The following ZNF705G variants were observed in gnomAD, a reference collection of about 807,000 sequenced individuals.
ZNF705G encodes the protein zinc finger protein 705G, also known as putative zinc finger protein 705G.
In ZNF705G, 23 loss-of-function variants were observed where a neutral mutation model predicts 19.6. The ratio of observed to expected loss-of-function variants is 1.17; its 90% CI spans 0.84 to 1.66. The LOEUF (loss-of-function observed/expected upper bound fraction) is 1.66. Among genes scored for constraint, ZNF705G ranks in the 40% most tolerant of loss-of-function variants. The probability of loss-of-function intolerance (pLI) is 0.00; values close to 1 mark genes in which losing one functional copy is unlikely to be tolerated. For synonymous variants in ZNF705G, 146 were observed against 117.7 expected (o/e 1.24, Z -1.56); for missense variants, 457 against 354.4 (o/e 1.29, Z -2.32).
intron 2 of ZNF705G, among the ~76,000 whole-genome samples, chr8:7,371,461 T>G (rs1236032503): frequency 1.8e-4 from 19 of 103,808 alleles, no homozygotes; most frequent in African/African-American, 7.3e-4. Flanking sequence ...GATTTTGTAT[T>G]CTTACCAATA....
chr8:7,381,048 A>T (rs1379940878), intron 2 of ZNF705G, among the ~76,000 whole-genome samples: 1 of 137,780 alleles, frequency 7.3e-6, no homozygotes, highest in Non-Finnish European at 1.5e-5. Context: ...AAAAAAAAAA[A>T]AAAAACACAA....
At position 7,366,737 on chromosome 8, in the gene ZNF705G, T is replaced by C. The variant is rs1222421914; in HGVS notation, c.-71-3720A>G. ...AATTTAAACATTGCTTGAGAAAATCTGAGAAAGGAGATGAATATAGAGAAG... is the reference window on the plus strand; with the variant it reads ...AATTTAAACATTGCTTGAGAAAATCCGAGAAAGGAGATGAATATAGAGAAG... On this transcript the variant is annotated intron_variant, in intron 2 of 6. Transcript: ENST00000400156. Among the ~76,000 whole-genome samples the C allele has an allele frequency of 1.3e-5, 2 of 149,542 alleles. 1 individual carries two copies. The highest frequency in any genetic ancestry group is 5.1e-5 in the African/African-American group (2 of 38,936).
In ZNF705G at chr8:7,357,299, C is replaced by G. The variant is rs115410552; in HGVS notation, c.*677G>C. The G allele has an allele frequency of 6.6e-6, 1 of 151,476 alleles. No homozygotes were observed. The allele number at this position is 151,476 out of a possible 1,614,324, so 9.4% of individuals were successfully genotyped here. A position where few individuals can be genotyped will look rare whatever the true frequency, so the allele number is the denominator to read the frequency against. On this transcript the variant is annotated 3_prime_UTR_variant, in exon 7 of 7. Transcript: ENST00000400156. ...AATTCATTGCCCTTGGAAAGATTTTCCCTTCTTATTTAGCTCATGAAGGCT... is the reference window on the plus strand; with the variant it reads ...AATTCATTGCCCTTGGAAAGATTTTGCCTTCTTATTTAGCTCATGAAGGCT...
In ZNF705G at chr8:7,361,120, C is replaced by A. The variant is rs747683051; in HGVS notation, c.129G>T (p.Leu43=). ...TGTTCAGGGACTCACCGAGGGACACCAGGTGACTGATATTTTCCAGCATCA... is the reference window on the plus strand; with the variant it reads ...TGTTCAGGGACTCACCGAGGGACACAAGGTGACTGATATTTTCCAGCATCA... The part of the protein sequence containing the change: ...RDVMLENISH[L]VSLGYQISKS... The change falls in exon 4 of 7, where the codon CTG becomes CTT. Residue 43 remains leucine (L), a synonymous_variant. Transcript: ENST00000400156. 3.8e-6 allele frequency: 6 copies of A among 1,592,566 alleles called. No homozygotes were observed. In the African/African-American group the frequency reaches 4.2e-5, roughly 11 times the overall value.
rs368062945 is a variant in ZNF705G at position 7,358,394 on chromosome 8, T to A, written c.485A>T (p.His162Leu). Residue 162 changes from histidine to leucine, a missense_variant, in exon 7 of 7, where the codon CAT becomes CTT. Coordinates refer to ENST00000400156, the MANE Select transcript of ZNF705G (RefSeq NM_001164457.3). ...TTTACCTTTAGTATGAATTTGTTTA[T>A]GTGGTTCAGTGGACAAAAGATTACG... ...SLRNLLSTEP[H>L]KQIHTKGKSY... The A allele has an allele frequency of 3.1e-6, 5 of 1,607,578 alleles. 1 individual carries two copies. The African/African-American group carries it at 7.0e-5, about 23-fold the overall frequency.
intron 3 of ZNF705G, among the ~76,000 whole-genome samples, chr8:7,362,365 C>T (rs758822700): frequency 7.3e-5 from 11 of 149,668 alleles, no homozygotes; most frequent in Non-Finnish European, 1.2e-4. Flanking sequence ...AGCTCAAATA[C>T]ATTTTATCAA....
At chr8:7,365,043 A>G (rs577793159) in intron 2 of ZNF705G, among the ~76,000 whole-genome samples, 1 of 149,754 alleles carries the variant, frequency 6.7e-6, no homozygotes, top group Non-Finnish European at 1.5e-5. Flanking sequence ...AAAGTCATTT[A>G]ACTGGTCATA....
chr8:7,365,588 T>C (rs1243081463), intron 2 of ZNF705G, among the ~76,000 whole-genome samples: 1 of 149,212 alleles, frequency 6.7e-6, no homozygotes, highest in Non-Finnish European at 1.5e-5. Flanking sequence ...CGCGCTGGTC[T>C]AAAACTCCTG....
rs1215395893 is a variant in ZNF705G, at chr8:7,358,193, T to C, written c.686A>G (p.Lys229Arg). The change falls in exon 7 of 7, where the codon AAG becomes AGG. Residue 229 changes from lysine to arginine, a missense_variant. By Grantham distance (26) the Lys-to-Arg change is conservative. Coordinates refer to ENST00000400156, the MANE Select transcript of ZNF705G (RefSeq NM_001164457.3). ...EKTHTGQRPY[K>R]CHQYGKVFIQ... is the part of the protein sequence containing the mutation. Reference sequence around the variant, plus strand: ...AAAGACTTTCCCATATTGATGACACTTATATGGTCTCTGTCCCGTGTGAGT... The same window carrying C: ...AAAGACTTTCCCATATTGATGACACCTATATGGTCTCTGTCCCGTGTGAGT... The C allele has an allele frequency of 6.2e-7, 1 of 1,607,614 alleles. No individual in the cohort carries two copies. Among genetic ancestry groups the C allele is most frequent in the Non-Finnish European group, 8.5e-7 (1 of 1,179,616 alleles).
chr8:7,355,649 T>G lies in ZNF705G; in HGVS notation c.*2327A>C, dbSNP rs1806179437. The G allele has an allele frequency of 6.7e-6, 1 of 149,720 alleles. No individual in the cohort carries two copies. Among genetic ancestry groups the G allele is most frequent in the Admixed American group, 6.6e-5 (1 of 15,252 alleles). 9.3% of individuals were successfully genotyped at this position (149,720 alleles called of 1,614,324 possible). On this transcript the variant is annotated 3_prime_UTR_variant, in exon 7 of 7. Coordinates refer to ENST00000400156, the MANE Select transcript of ZNF705G (RefSeq NM_001164457.3). ...TAAGAGAAGCATTCTGTGTTACGCTTTAATAATGGCTGGAGATCTGCCACC... is the reference window on the plus strand; with the variant it reads ...TAAGAGAAGCATTCTGTGTTACGCTGTAATAATGGCTGGAGATCTGCCACC...
At chr8:7,371,485 A>AAT (rs1807097487) in intron 2 of ZNF705G, among the ~76,000 whole-genome samples, 1 of 112,154 alleles carries the variant, frequency 8.9e-6, no homozygotes, top group African/African-American at 3.4e-5. Flanking sequence ...CTTACCAAAA[A>AAT]AATAATAATA....
chr8:7,359,548 C>T (rs1806472068), intron 6 of ZNF705G, 71 bp downstream of exon 6: 13 of 1,592,546 alleles, frequency 8.2e-6, no homozygotes, highest in East Asian at 2.2e-5. Context: ...GGTGATTGTG[C>T]TTCATTACTA....
rs188548646 is a variant in ZNF705G at position 7,359,462 on chromosome 8, T to C, written c.318+157A>G. Reference sequence around the variant, plus strand: ...TGTTATGGTTTAGAACACAGGTCAATGTATTCACTAAATTCAAAGTATCCA... The same window carrying C: ...TGTTATGGTTTAGAACACAGGTCAACGTATTCACTAAATTCAAAGTATCCA... On this transcript the variant is annotated intron_variant, in intron 6 of 6. Transcript: ENST00000400156. Among the ~76,000 whole-genome samples the C allele has an allele frequency of 1.1e-3, 168 of 147,916 alleles. 21 individuals carry two copies. Among genetic ancestry groups the C allele is most frequent in the African/African-American group, 4.2e-3 (159 of 37,424 alleles).
At chr8:7,369,632 G>C (rs1320354386) in intron 2 of ZNF705G, among the ~76,000 whole-genome samples, 2 of 149,678 alleles carry the variant, frequency 1.3e-5, no homozygotes, top group Non-Finnish European at 2.9e-5. Flanking sequence ...CAATAGCAAA[G>C]ACATGGAATC....
Position 7,360,225 on chromosome 8 carries a change from C to T in ZNF705G, c.235+12G>A, listed in dbSNP as rs767300266. 4.4e-6 allele frequency: 7 copies of T among 1,591,570 alleles called. No individual in the cohort carries two copies. Among genetic ancestry groups the T allele is most frequent in the Non-Finnish European group, 5.9e-6 (7 of 1,178,840 alleles). ...ACCTCCTCCTATTAGAGCACAGGAC[C>T]CTGTTGCTTACTTGGATTCTGGTCT... is the stretch of plus-strand genomic sequence containing the variant. On this transcript the variant is annotated intron_variant, in intron 5 of 6. Transcript: ENST00000400156.
In ZNF705G at chr8:7,364,650, A is replaced by C. The variant is rs551557508; in HGVS notation, c.-71-1633T>G. On this transcript the variant is annotated intron_variant, in intron 2 of 6. Coordinates refer to ENST00000400156, the MANE Select transcript of ZNF705G (RefSeq NM_001164457.3). ...CTGGGGACTCCAGTATTTAGACCCC[A>C]GGTCCCAAACATCATTGTGTCTATT... Among the ~76,000 whole-genome samples, 71 of 149,770 alleles carry C rather than the reference A, an allele frequency of 4.7e-4. 2 individuals are homozygous for C. The highest frequency in any genetic ancestry group is 1.5e-3 in the South Asian group (7 of 4,784).
At chr8:7,378,118 G>A (rs1461234028) in intron 2 of ZNF705G, among the ~76,000 whole-genome samples, 1 of 149,192 alleles carries the variant, frequency 6.7e-6, no homozygotes, top group Non-Finnish European at 1.5e-5. Context: ...GTCTAGCACT[G>A]TAACCCTTCA....
At chr8:7,363,352 T>C (rs1428774334) in intron 2 of ZNF705G, among the ~76,000 whole-genome samples, 3 of 148,382 alleles carry the variant, frequency 2.0e-5, no homozygotes, top group Admixed American at 6.6e-5. Context: ...ATGTGGAATA[T>C]GATTTCCACC....
At chr8:7,360,871 A>G (rs1269538688) in intron 4 of ZNF705G, among the ~76,000 whole-genome samples, 2 of 149,544 alleles carry the variant, frequency 1.3e-5, no homozygotes, top group East Asian at 1.9e-4. Context: ...TGAGTACCAA[A>G]GAAACCATGA....
Sources: gnomAD v4.1 joint callset for allele counts (sites outside exome capture counted in the v4.1 genomes callset) on GRCh38, gnomAD v4.1.1 for gene constraint, MANE v1.5 for transcripts, NCBI Gene and HGNC (gene_info 2026-07-23, HGNC 2026-07-21) for gene names.